FMN1: variants seen among roughly 807,000 people sequenced by gnomAD.
FMN1 encodes the protein formin-1.
Under a neutral mutation model 132.4 loss-of-function variants are expected in FMN1, and 110 were observed. That is an observed-to-expected ratio of 0.83 (90% CI 0.71 to 0.97). FMN1 has a LOEUF of 0.97. FMN1 is among the 50% of genes least tolerant of loss of function. The pLI is 0.00. For synonymous variants in FMN1, 722 were observed against 651.7 expected (o/e 1.11, Z -1.64); for missense variants, 1,792 against 1,705.3 (o/e 1.05, Z -0.90).
At chr15:32,905,571 T>C (rs2060404427) in intron 12 of FMN1, among the ~76,000 whole-genome samples, 1 of 152,204 alleles carries the variant, frequency 6.6e-6, no homozygotes, top group African/African-American at 2.4e-5. Context: ...TCAGACAGCC[T>C]GGTCCCAAAC....
At chr15:32,901,004 A>ACTAG (rs1484252605) in intron 13 of FMN1, among the ~76,000 whole-genome samples, 1 of 152,092 alleles carries the variant, frequency 6.6e-6, no homozygotes, top group Non-Finnish European at 1.5e-5. Context: ...AAATACAAAA[A>ACTAG]CTAGCTGGGC....
chr15:33,122,419 G>A (rs1962653131), intron 4 of FMN1, among the ~76,000 whole-genome samples: 1 of 152,226 alleles, frequency 6.6e-6, no homozygotes, highest in African/African-American at 2.4e-5. Context: ...AGGTAGGTCA[G>A]AGTAGGTTTT....
intron 11 of FMN1, 139 bp downstream of exon 11, chr15:32,910,335 T>C (rs2060527237): frequency 1.1e-5 from 7 of 663,666 alleles, no homozygotes; most frequent in Non-Finnish European, 1.6e-5. Flanking sequence ...TCCACTCCCA[T>C]TCAAGCTTGT....
chr15:33,149,434 A>G (rs1386959962), intron 4 of FMN1, among the ~76,000 whole-genome samples: 1 of 152,214 alleles, frequency 6.6e-6, no homozygotes, highest in Non-Finnish European at 1.5e-5. Context: ...AATGATGAAC[A>G]TTCAAATTTT....
chr15:32,794,412 G>A (rs897616558), intron 19 of FMN1, among the ~76,000 whole-genome samples: 4 of 152,072 alleles, frequency 2.6e-5, no homozygotes, highest in South Asian at 2.1e-4. Flanking sequence ...CATGACTCCC[G>A]TAGGCCTTCT....
chr15:33,047,285 TGAAAGTACCTCATA>T (rs2036733164), intron 6 of FMN1, among the ~76,000 whole-genome samples: 1 of 152,242 alleles, frequency 6.6e-6, no homozygotes. Context: ...GCCACCTCTT[TGAAAGTACCTCATA>T]GACTTGTGGT....
At chr15:32,980,100 T>C (rs953282017) in intron 7 of FMN1, among the ~76,000 whole-genome samples, 2 of 152,212 alleles carry the variant, frequency 1.3e-5, no homozygotes, top group South Asian at 2.1e-4. Flanking sequence ...ATTTGGGTTC[T>C]GGCTTAGGAT....
intron 9 of FMN1, among the ~76,000 whole-genome samples, chr15:32,958,283 C>A (rs1362980953): frequency 1.3e-5 from 2 of 152,068 alleles, no homozygotes; most frequent in African/African-American, 4.8e-5. Context: ...TCAAATAAAT[C>A]ACCCGAATAA....
intron 17 of FMN1, chr15:32,811,052 G>A (rs1423631146): frequency 2.2e-6 from 1 of 456,694 alleles, no homozygotes; most frequent in Non-Finnish European, 4.4e-6. Context: ...GCACTTTCCA[G>A]GAGAAACAAA....
chr15:32,886,757 A>G (rs940564213), intron 16 of FMN1, among the ~76,000 whole-genome samples: 7 of 152,180 alleles, frequency 4.6e-5, no homozygotes, highest in African/African-American at 7.2e-5. Context: ...TGCCATTGCT[A>G]ACTCTTGCTG....
intron 4 of FMN1, among the ~76,000 whole-genome samples, chr15:33,147,204 T>C: frequency 6.6e-6 from 1 of 151,678 alleles, no homozygotes; most frequent in Non-Finnish European, 1.5e-5. Flanking sequence ...AAACATACGC[T>C]TTCAATATTC....
At chr15:32,970,348 TAACAGTAATTA>T (rs2031673962) in intron 7 of FMN1, among the ~76,000 whole-genome samples, 1 of 152,206 alleles carries the variant, frequency 6.6e-6, no homozygotes. Context: ...AAATCCAGTT[TAACAGTAATTA>T]AATATTTTTT....
chr15:33,012,384 T>C, intron 6 of FMN1: 1 of 902,454 alleles, frequency 1.1e-6, no homozygotes. Flanking sequence ...CAAAGAGAGC[T>C]GTCTAAGAAG....
In FMN1 at chr15:32,826,578, G is replaced by GA. The variant is rs141965682; in HGVS notation, c.3929-22247dup. Among the ~76,000 whole-genome samples, 42 of 152,262 alleles carry GA rather than the reference G, an allele frequency of 2.8e-4. No homozygotes were observed. The East Asian group carries it at 8.1e-3, about 29-fold the overall frequency. On this transcript the variant is annotated intron_variant, in intron 17 of 20. Transcript: ENST00000616417. ...GCAGACCAATTTAATGAGAAACCAG[G>GA]AAAGTAGTGAGAACAACAAGGGAGT...
At chr15:32,824,357 C>A (rs140424783) in intron 17 of FMN1, among the ~76,000 whole-genome samples, 4 of 152,256 alleles carry the variant, frequency 2.6e-5, no homozygotes, top group Middle Eastern at 3.4e-3. Flanking sequence ...GGATAGATAT[C>A]CACATGAATT....
chr15:32,902,254 A>C (rs1248661707), intron 12 of FMN1, among the ~76,000 whole-genome samples: 1 of 152,214 alleles, frequency 6.6e-6, no homozygotes, highest in Non-Finnish European at 1.5e-5. Flanking sequence ...ATGATGAATA[A>C]ATGCATGGTA....
chr15:32,896,189 GTTC>G (rs1222774537), intron 15 of FMN1, among the ~76,000 whole-genome samples: 5 of 151,698 alleles, frequency 3.3e-5, no homozygotes, highest in African/African-American at 4.8e-5. Flanking sequence ...TCCTTTTCAT[GTTC>G]TTAAGTTTTG....
Position 32,890,163 on chromosome 15 carries a change from A to C in FMN1, c.3715-1871T>G, listed in dbSNP as rs546876576. Among the ~76,000 whole-genome samples, 19 of 151,836 alleles carry C rather than the reference A, an allele frequency of 1.3e-4. No individual in the cohort carries two copies. In the South Asian group the frequency reaches 3.9e-3, roughly 32 times the overall value. ...TATATATATATCAGTTTCTTTAATC[A>C]CTCTTTGACTGATGGGCATTTGGGT... On this transcript the variant is annotated intron_variant, in intron 15 of 20. Coordinates refer to ENST00000616417, the MANE Select transcript of FMN1 (RefSeq NM_001277313.2).
intron 3 of FMN1, among the ~76,000 whole-genome samples, chr15:33,167,762 G>C (rs1000666050): frequency 6.6e-6 from 1 of 152,196 alleles, no homozygotes; most frequent in African/African-American, 2.4e-5. Flanking sequence ...GAGAAAAGAA[G>C]ATGTCATTAA....
Sources: allele counts gnomAD v4.1 joint callset (sites outside exome capture counted in the v4.1 genomes callset), GRCh38; gene constraint gnomAD v4.1.1; transcripts MANE v1.5; gene names NCBI Gene and HGNC (gene_info 2026-07-23, HGNC 2026-07-21).